NAALADL2: variants seen among roughly 807,000 people sequenced by gnomAD.
The protein encoded by NAALADL2 is N-acetylated alpha-linked acidic dipeptidase like 2, also known as inactive N-acetylated-alpha-linked acidic dipeptidase-like protein 2.
NAALADL2 carries 76 observed loss-of-function variants against 87.2 expected under a neutral mutation model. That is an observed-to-expected ratio of 0.87 (90% CI 0.72 to 1.05). The LOEUF (loss-of-function observed/expected upper bound fraction) is 1.05, where lower values mean the gene tolerates loss of function less well. Ranked by LOEUF, NAALADL2 falls within the 50% of genes least tolerant of loss-of-function variation. The pLI, the probability that NAALADL2 is intolerant of heterozygous loss-of-function variation, is 0.00. For missense variants in NAALADL2, 1,089 were observed against 945.8 expected (o/e 1.15, Z -1.99); for synonymous variants, 354 against 331.0 (o/e 1.07, Z -0.75).
intron 2 of NAALADL2, among the ~76,000 whole-genome samples, chr3:174,679,664 C>T (rs921900821): frequency 6.6e-6 from 1 of 152,062 alleles, no homozygotes; most frequent in Non-Finnish European, 1.5e-5. Flanking sequence ...AGCTGGAAGG[C>T]ACACCACCAA....
At chr3:174,959,927 A>G (rs968109878) in intron 1 of NAALADL2, among the ~76,000 whole-genome samples, 1 of 152,080 alleles carries the variant, frequency 6.6e-6, no homozygotes, top group African/African-American at 2.4e-5. Context: ...ATATGAAAGT[A>G]TCGAATTCTT....
At chr3:175,538,959 T>G (rs1711792808) in intron 9 of NAALADL2, among the ~76,000 whole-genome samples, 1 of 152,176 alleles carries the variant, frequency 6.6e-6, no homozygotes, top group Non-Finnish European at 1.5e-5. Flanking sequence ...AAATTCATGG[T>G]TCATATTTTT....
chr3:175,006,605 A>G (rs145371333), intron 1 of NAALADL2, among the ~76,000 whole-genome samples: 2 of 151,686 alleles, frequency 1.3e-5, no homozygotes, highest in East Asian at 3.9e-4. Context: ...TTCTTATACA[A>G]CATAGTTTCT....
intron 9 of NAALADL2, among the ~76,000 whole-genome samples, chr3:175,550,372 A>G (rs1023772916): frequency 3.9e-5 from 6 of 152,170 alleles, no homozygotes; most frequent in Non-Finnish European, 7.4e-5. Context: ...AAGGAAGAGG[A>G]GAATAAATTT....
At chr3:175,587,928 C>G (rs894800700) in intron 10 of NAALADL2, among the ~76,000 whole-genome samples, 6 of 151,946 alleles carry the variant, frequency 3.9e-5, no homozygotes, top group Non-Finnish European at 7.4e-5. Context: ...AGATGATACA[C>G]CTGGGGAAGA....
intron 11 of NAALADL2, among the ~76,000 whole-genome samples, chr3:175,707,909 G>A (rs907377991): frequency 7.9e-5 from 12 of 151,950 alleles, no homozygotes; most frequent in Admixed American, 4.6e-4. Flanking sequence ...GGAGAATATA[G>A]CACAAGTGCA....
intron 2 of NAALADL2, among the ~76,000 whole-genome samples, chr3:174,646,343 A>C (rs79012250): frequency 0.027 from 4,143 of 152,218 alleles, 192 homozygotes; most frequent in African/African-American, 0.095. Context: ...ATAAAAATAG[A>C]TATACAATAG....
intron 1 of NAALADL2, among the ~76,000 whole-genome samples, chr3:175,080,190 C>G (rs768408653): frequency 6.6e-6 from 1 of 152,176 alleles, no homozygotes; most frequent in Non-Finnish European, 1.5e-5. Context: ...TGGTCTCGAT[C>G]TCCTGACCTC....
chr3:175,354,761 C>A (rs1764155346), intron 5 of NAALADL2, among the ~76,000 whole-genome samples: 1 of 151,746 alleles, frequency 6.6e-6, no homozygotes, highest in Non-Finnish European at 1.5e-5. Flanking sequence ...TCAAGTGATC[C>A]TCCTGCCTCA....
chr3:175,651,672 A>G (rs116051347), intron 11 of NAALADL2, among the ~76,000 whole-genome samples: 1,721 of 152,320 alleles, frequency 0.011, 29 homozygotes, highest in African/African-American at 0.038. Context: ...TATCCCTTCA[A>G]TAATGGAGAC....
At chr3:174,471,360 C>T (rs1470258376) in intron 1 of NAALADL2, among the ~76,000 whole-genome samples, 2 of 152,058 alleles carry the variant, frequency 1.3e-5, no homozygotes, top group Non-Finnish European at 2.9e-5. Context: ...TGTCCTCATC[C>T]AGTTCATTGA....
At chr3:175,298,979 G>C (rs998914687) in intron 4 of NAALADL2, among the ~76,000 whole-genome samples, 4 of 152,112 alleles carry the variant, frequency 2.6e-5, no homozygotes, top group African/African-American at 9.7e-5. Context: ...TTGAAACTAA[G>C]TTTTAAGCAG....
At chr3:174,473,983 C>A (rs1717062024) in intron 1 of NAALADL2, among the ~76,000 whole-genome samples, 2 of 152,016 alleles carry the variant, frequency 1.3e-5, no homozygotes, top group Admixed American at 6.6e-5. Flanking sequence ...AGAATGAGTG[C>A]CAGCAGGGGA....
At chr3:174,826,214 T>G (rs1363028345) in intron 3 of NAALADL2, among the ~76,000 whole-genome samples, 2 of 152,210 alleles carry the variant, frequency 1.3e-5, no homozygotes, top group Non-Finnish European at 2.9e-5. Context: ...TTCTAATCTG[T>G]CTTTCCAACT....
At chr3:175,023,838 G>C (rs7653217) in intron 1 of NAALADL2, among the ~76,000 whole-genome samples, 2 of 151,926 alleles carry the variant, frequency 1.3e-5, no homozygotes, top group Middle Eastern at 3.4e-3. Flanking sequence ...GTCTGTTTGG[G>C]CTCCATATCC....
intron 2 of NAALADL2, among the ~76,000 whole-genome samples, chr3:175,214,554 A>C (rs1209014823): frequency 3.3e-5 from 5 of 152,146 alleles, no homozygotes; most frequent in African/African-American, 4.8e-5. Flanking sequence ...GCTTATCATC[A>C]GTCTTCTTTG....
intron 3 of NAALADL2, among the ~76,000 whole-genome samples, chr3:174,804,254 G>C (rs1447964959): frequency 6.6e-6 from 1 of 152,144 alleles, no homozygotes; most frequent in Non-Finnish European, 1.5e-5. Flanking sequence ...GTTCACTCAT[G>C]ATTTGGGTCT....
chr3:175,170,040 A>G (rs1734571115), intron 2 of NAALADL2, among the ~76,000 whole-genome samples: 1 of 151,956 alleles, frequency 6.6e-6, no homozygotes, highest in Admixed American at 6.6e-5. Flanking sequence ...TGTGTTGACA[A>G]CTTTTAACTC....
rs1473989227 is a variant in NAALADL2, at chr3:175,724,740, A to G, written c.1897-12566A>G. ...TCTCTAGTGCCTTCATTGTCTCTAT[A>G]AGATAGAAACATGATGTCATTATTT... is the stretch of plus-strand genomic sequence containing the variant. On this transcript the variant is annotated intron_variant, in intron 11 of 13. Coordinates refer to ENST00000454872, the MANE Select transcript of NAALADL2 (RefSeq NM_207015.3). 2.0e-5 allele frequency among the ~76,000 whole-genome samples: 3 copies of G among 152,046 alleles called. No individual in the cohort carries two copies. The East Asian group carries it at 5.8e-4, about 29-fold the overall frequency.
Sources: allele counts gnomAD v4.1 joint callset (sites outside exome capture counted in the v4.1 genomes callset), GRCh38; gene constraint gnomAD v4.1.1; transcripts MANE v1.5; gene names NCBI Gene and HGNC (gene_info 2026-07-23, HGNC 2026-07-21).